The following TIAM2 variants were observed in gnomAD, a reference collection of about 807,000 sequenced individuals.
TIAM2 encodes rho guanine nucleotide exchange factor TIAM2.
A neutral mutation model predicts 152.9 loss-of-function variants in TIAM2; 80 were observed. That is an observed-to-expected ratio of 0.52 (90% CI 0.44 to 0.63). The LOEUF (loss-of-function observed/expected upper bound fraction) is 0.63. TIAM2 is among the 30% of genes least tolerant of loss of function. The probability of loss-of-function intolerance (pLI) is 0.00; values close to 1 mark genes in which losing one functional copy is unlikely to be tolerated. For synonymous variants in TIAM2, 804 were observed against 838.0 expected (o/e 0.96, Z 0.70); for missense variants, 1,965 against 2,120.1 (o/e 0.93, Z 1.44).
intron 15 of TIAM2, among the ~76,000 whole-genome samples, chr6:155,228,735 C>T (rs1289125339): frequency 6.6e-6 from 1 of 152,000 alleles, no homozygotes; most frequent in Non-Finnish European, 1.5e-5. Flanking sequence ...GAATTCCGAC[C>T]AAACTCCTGT....
intron 7 of TIAM2, among the ~76,000 whole-genome samples, chr6:155,162,648 A>T (rs1278189480): frequency 6.6e-6 from 1 of 152,212 alleles, no homozygotes; most frequent in African/African-American, 2.4e-5. Context: ...ATGCACCAGA[A>T]TCCCAGAAGG....
chr6:155,029,556 A>AATATACACTATATAATAGTATATACTATT (rs1776772846), intron 1 of TIAM2, among the ~76,000 whole-genome samples: 1 of 73,348 alleles, frequency 1.4e-5, no homozygotes, highest in Non-Finnish European at 2.5e-5. Flanking sequence ...ATGTAGTATA[A>AATATACACTATATAATAGTATATACTATT]ATATATACTA....
intron 2 of TIAM2, among the ~76,000 whole-genome samples, chr6:155,117,024 C>A: frequency 6.7e-6 from 1 of 149,656 alleles, no homozygotes; most frequent in South Asian, 2.1e-4. Context: ...GGAGAAAGGG[C>A]AGAGTGGGAC....
chr6:155,041,191 A>AT (rs1777020527), intron 1 of TIAM2, among the ~76,000 whole-genome samples: 1 of 152,220 alleles, frequency 6.6e-6, no homozygotes, highest in East Asian at 1.9e-4. Flanking sequence ...ATTAAGCTCC[A>AT]TTACCATTCA....
At chr6:155,240,787 C>T (rs983737943) in intron 16 of TIAM2, 78 bp downstream of exon 16, 9 of 1,451,474 alleles carry the variant, frequency 6.2e-6, no homozygotes, top group Non-Finnish European at 8.3e-6. Flanking sequence ...GTCCCCAGAT[C>T]ACCTCTGCCC....
intron 9 of TIAM2, among the ~76,000 whole-genome samples, 189 bp from the exon 10 acceptor site, chr6:155,176,627 G>A (rs143210456): frequency 2.3e-4 from 35 of 152,334 alleles, no homozygotes; most frequent in African/African-American, 7.9e-4. Context: ...TGCTTCCCAT[G>A]GCTGCAGTTT....
chr6:155,212,428 A>T (rs1781744133), intron 15 of TIAM2, among the ~76,000 whole-genome samples: 1 of 152,252 alleles, frequency 6.6e-6, no homozygotes, highest in South Asian at 2.1e-4. Flanking sequence ...TCTGATTGAC[A>T]TAATCTGTGT....
chr6:155,091,159 T>G (rs1247632074), intron 2 of TIAM2, among the ~76,000 whole-genome samples: 1 of 152,190 alleles, frequency 6.6e-6, no homozygotes, highest in Non-Finnish European at 1.5e-5. Flanking sequence ...CTCAAAGTAC[T>G]CCCTCTGAAG....
At chr6:155,021,178 A>G (rs1394319665) in intron 1 of TIAM2, among the ~76,000 whole-genome samples, 1 of 152,210 alleles carries the variant, frequency 6.6e-6, no homozygotes, top group Non-Finnish European at 1.5e-5. Context: ...TCAATATGGT[A>G]GCTATGAACA....
chr6:155,117,529 G>A lies in TIAM2; in HGVS notation c.-117-9961G>A, dbSNP rs367606418. The stretch of plus-strand genomic sequence containing the variant: ...GCCATCTCGGCTCGCTGCAACCTCC[G>A]CCTCCTGGGCTCAAGCAATTCTCCT... On this transcript the variant is annotated intron_variant, in intron 2 of 26. Transcript: ENST00000682666. Among the ~76,000 whole-genome samples the A allele has an allele frequency of 1.1e-3, 174 of 152,188 alleles. 2 individuals are homozygous for A. The East Asian group carries it at 0.022, about 19-fold the overall frequency.
At chr6:155,161,376 C>T (rs143408164) in intron 7 of TIAM2, among the ~76,000 whole-genome samples, 1,525 of 152,138 alleles carry the variant, frequency 0.01, 30 homozygotes, top group African/African-American at 0.035. Context: ...GACAGGGTTT[C>T]ACCATGTTGC....
chr6:155,246,690 T>C (rs1003004471), intron 19 of TIAM2, among the ~76,000 whole-genome samples: 2 of 152,160 alleles, frequency 1.3e-5, no homozygotes, highest in African/African-American at 4.8e-5. Context: ...ACCAATGTAC[T>C]TGTCAATACA....
chr6:155,077,514 G>A (rs1777987025), intron 1 of TIAM2, among the ~76,000 whole-genome samples: 1 of 152,154 alleles, frequency 6.6e-6, no homozygotes, highest in Admixed American at 6.5e-5. Context: ...GGACATTGAG[G>A]CCTGGCCTTG....
At chr6:155,023,037 G>A (rs944847969) in intron 1 of TIAM2, among the ~76,000 whole-genome samples, 1 of 61,954 alleles carries the variant, frequency 1.6e-5, no homozygotes, top group Non-Finnish European at 3.6e-5. Flanking sequence ...CTCATTTTTT[G>A]TTCTGTTTTT....
intron 14 of TIAM2, among the ~76,000 whole-genome samples, chr6:155,205,065 G>A (rs890153815): frequency 2.6e-5 from 4 of 151,750 alleles, no homozygotes; most frequent in African/African-American, 9.7e-5. Context: ...GAGCCCTCAT[G>A]ACCTAAACAC....
chr6:155,247,827 G>A (rs1317892289), intron 19 of TIAM2, among the ~76,000 whole-genome samples, 173 bp from the exon 20 acceptor site: 9 of 152,180 alleles, frequency 5.9e-5, no homozygotes, highest in South Asian at 2.1e-4. Context: ...GCTGTGAGGC[G>A]GAATCCCACG....
At chr6:155,098,017 G>T (rs1330820560) in intron 2 of TIAM2, among the ~76,000 whole-genome samples, 2 of 151,972 alleles carry the variant, frequency 1.3e-5, no homozygotes. Flanking sequence ...TGGTGTATGT[G>T]TTTTTTTGTT....
At chr6:155,056,893 A>G (rs2114932191) in intron 1 of TIAM2, among the ~76,000 whole-genome samples, 1 of 151,908 alleles carries the variant, frequency 6.6e-6, no homozygotes, top group South Asian at 2.1e-4. Context: ...ACATATAGTC[A>G]TCATATCTCC....
intron 16 of TIAM2, among the ~76,000 whole-genome samples, chr6:155,243,086 G>C (rs143562406): frequency 8.9e-4 from 136 of 152,232 alleles, no homozygotes; most frequent in African/African-American, 3.1e-3. Flanking sequence ...CATGGGTTTT[G>C]TAACTGCAGT....
Sources: gnomAD v4.1 joint callset for allele counts (sites outside exome capture counted in the v4.1 genomes callset) on GRCh38, gnomAD v4.1.1 for gene constraint, MANE v1.5 for transcripts, NCBI Gene and HGNC (gene_info 2026-07-23, HGNC 2026-07-21) for gene names.